Variants in RDH13 observed in about 807,000 individuals in gnomAD.
The protein encoded by RDH13 is retinol dehydrogenase 13 (all-trans and 9-cis).
Under a neutral mutation model 28.3 loss-of-function variants are expected in RDH13, and 35 were observed. The ratio of observed to expected loss-of-function variants is 1.24; its 90% CI spans 0.95 to 1.64. The LOEUF (loss-of-function observed/expected upper bound fraction) is 1.64, where lower values mean the gene tolerates loss of function less well. Among genes scored for constraint, RDH13 ranks in the 40% most tolerant of loss-of-function variants. The pLI is 0.00. For missense variants in RDH13, 514 were observed against 446.3 expected (o/e 1.15, Z -1.37); for synonymous variants, 229 against 198.5 (o/e 1.15, Z -1.29).
rs781438003 is a variant in RDH13 at position 55,048,337 on chromosome 19, C to G, written c.650G>C (p.Arg217Pro). The change falls in exon 5 of 7, where the codon CGG becomes CCG. Residue 217 changes from arginine (R) to proline (P), a missense_variant. Physicochemically the swap from Arg to Pro is moderately radical, Grantham distance 103. Coordinates refer to ENST00000415061, the MANE Select transcript of RDH13 (RefSeq NM_001145971.2). Reference protein sequence around the residue: ...IVLFTKELSRRLQGSGVTVNA... With the variant: ...IVLFTKELSRPLQGSGVTVNA... Reference sequence around the variant, plus strand: ...GCCTAGCGCCCCCGTACCTTGCAGCCGCCGGCTCAGCTCCTTGGTGAAGAG... The same window carrying G: ...GCCTAGCGCCCCCGTACCTTGCAGCGGCCGGCTCAGCTCCTTGGTGAAGAG... 6.2e-7 allele frequency: 1 copy of G among 1,614,080 alleles called. No individual in the cohort carries two copies. Among genetic ancestry groups the G allele is most frequent in the African/African-American group, 1.3e-5 (1 of 75,040 alleles).
chr19:55,056,256 G>A (rs1454722418), intron 3 of RDH13, among the ~76,000 whole-genome samples: 1 of 152,070 alleles, frequency 6.6e-6, no homozygotes, highest in Non-Finnish European at 1.5e-5. Context: ...CTGAGGTCAG[G>A]AGTTCCAGAC....
At position 55,056,736 on chromosome 19, in the gene RDH13, G is replaced by A. The variant is rs1317255855; in HGVS notation, c.257C>T (p.Thr86Ile). 6.2e-7 allele frequency: 1 copy of A among 1,613,968 alleles called. No individual in the cohort carries two copies. Among genetic ancestry groups the A allele is most frequent in the Non-Finnish European group, 8.5e-7 (1 of 1,179,990 alleles). ...EAAAKDIRGE[T>I]LNHHVNARHL... ...CCGGGCGTTGACATGGTGATTGAGG[G>A]TCTCCCCGCGGATGTCCTTTGCTGC... Residue 86 changes from threonine to isoleucine, a missense_variant, in exon 3 of 7, where the codon ACC becomes ATC. Transcript: ENST00000415061.
chr19:55,055,970 T>C lies in RDH13; in HGVS notation c.340+683A>G, dbSNP rs192311007. Reference sequence around the variant, plus strand: ...GAGTTCGAGACCAGCCTGACCAACATGGTGAAACCCTGTCTCTACCTAAAA... The same window carrying C: ...GAGTTCGAGACCAGCCTGACCAACACGGTGAAACCCTGTCTCTACCTAAAA... On this transcript the variant is annotated intron_variant, in intron 3 of 6. Transcript: ENST00000415061. 3.7e-4 allele frequency among the ~76,000 whole-genome samples: 56 copies of C among 151,902 alleles called. 1 individual carries two copies. The highest frequency in any genetic ancestry group is 1.2e-3 in the African/African-American group (51 of 41,382).
chr19:55,045,029 C>T lies in RDH13; in HGVS notation c.*45G>A, dbSNP rs541081768. The stretch of plus-strand genomic sequence containing the variant: ...GCTGCGGGCATGGCGGACAGCTGTC[C>T]TCGGTCTGGAGGCGCCATCCTGGCT... On this transcript the variant is annotated 3_prime_UTR_variant, in exon 7 of 7. Coordinates refer to ENST00000415061, the MANE Select transcript of RDH13 (RefSeq NM_001145971.2). 1 of 1,424,856 alleles carries T rather than the reference C, an allele frequency of 7.0e-7. No individual in the cohort carries two copies. Among genetic ancestry groups the T allele is most frequent in the South Asian group, 1.3e-5 (1 of 76,436 alleles). The allele number at this position is 1,424,856 out of a possible 1,614,324, so 88.3% of individuals were successfully genotyped here.
At chr19:55,067,911 G>A (rs897464847), upstream of RDH13, among the ~76,000 whole-genome samples, 2 of 144,942 alleles carry the variant, frequency 1.4e-5, no homozygotes, top group African/African-American at 5.2e-5. Flanking sequence ...CCTCATCTGT[G>A]TCTTTTCTCT....
At chr19:55,043,520 T>C (rs1052014465), downstream of RDH13, among the ~76,000 whole-genome samples, 11 of 123,356 alleles carry the variant, frequency 8.9e-5, no homozygotes, top group East Asian at 3.1e-3. Flanking sequence ...CGTCTTTAAT[T>C]AGCCAGGTGT....
rs116313831 is a variant in RDH13 at position 55,068,992 on chromosome 19, T to C, written c.-266+330A>G. On this transcript the variant is annotated intron_variant, in intron 1 of 7. Coordinates refer to the RDH13 transcript ENST00000396247. Reference sequence around the variant, plus strand: ...GGGAGGGAAGAAAGGCAGGCCCTGATGTTCAGGGAGCTGAGAGTGAAGTCA... The same window carrying C: ...GGGAGGGAAGAAAGGCAGGCCCTGACGTTCAGGGAGCTGAGAGTGAAGTCA... Among the ~76,000 whole-genome samples, 142 of 91,756 alleles carry C rather than the reference T, an allele frequency of 1.5e-3. 3 individuals are homozygous for C. The highest frequency in any genetic ancestry group is 6.5e-3 in the African/African-American group (137 of 20,924). The allele number at this position is 91,756 out of a possible 152,430, so 60.2% of individuals were successfully genotyped here. A position where few individuals can be genotyped will look rare whatever the true frequency, so the allele number is the denominator to read the frequency against.
At chr19:55,067,028 C>G (rs776299416), upstream of RDH13, among the ~76,000 whole-genome samples, 1 of 152,156 alleles carries the variant, frequency 6.6e-6, no homozygotes, top group Non-Finnish European at 1.5e-5. Flanking sequence ...TTGTCTGAAG[C>G]CACTGAGTTT....
chr19:55,063,640 T>A (rs2075882394), upstream of RDH13: 1 of 151,850 alleles, frequency 6.6e-6, no homozygotes, highest in Non-Finnish European at 1.5e-5. Flanking sequence ...CCTGGACTCC[T>A]GGGTCCAAGG....
chr19:55,052,520 C>A (rs1199258231), intron 3 of RDH13, among the ~76,000 whole-genome samples: 2 of 146,754 alleles, frequency 1.4e-5, no homozygotes, highest in Non-Finnish European at 3.0e-5. Context: ...CCAGCCTGGG[C>A]AACAAGAGCA....
rs1654447 is a variant in RDH13, at chr19:55,059,206, A to G, written c.135T>C (p.Gly45=). ...TCTGCTTCCCGATGCCTGTGTTGGC[A>G]CCCGTCACGATGACCGTCTTCCCAG... ...TIPGKTVIVT[G]ANTGIGKQTA... The change falls in exon 2 of 7, where the codon GGT becomes GGC. Residue 45 remains glycine, a synonymous_variant. Transcript: ENST00000415061. The G allele has an allele frequency of 0.85, 1,360,596 of 1,603,214 alleles. 578,408 individuals are homozygous for G. The highest frequency in any genetic ancestry group is 0.98 in the East Asian group (43,556 of 44,462).
intron 3 of RDH13, among the ~76,000 whole-genome samples, chr19:55,049,931 C>T (rs2075372204): frequency 2.4e-5 from 1 of 42,292 alleles, no homozygotes; most frequent in African/African-American, 6.9e-5. Flanking sequence ...CTCCTCTCTC[C>T]CTCTTCCCTT....
upstream of RDH13, chr19:55,063,889 A>C (rs2075888845): frequency 6.5e-6 from 1 of 152,832 alleles, no homozygotes; most frequent in African/African-American, 2.4e-5. Flanking sequence ...ACCCCCACCA[A>C]ACCGGGATGC....
intron 2 of RDH13, 63 bp downstream of exon 2, chr19:55,059,094 A>G: frequency 9.1e-7 from 1 of 1,102,432 alleles, no homozygotes; most frequent in Non-Finnish European, 1.4e-6. Context: ...GACTGTGAAT[A>G]ATGCTGCAGT....
intron 6 of RDH13, among the ~76,000 whole-genome samples, chr19:55,046,057 G>A (rs1047416238): frequency 6.6e-6 from 1 of 151,424 alleles, no homozygotes; most frequent in East Asian, 2.0e-4. Flanking sequence ...AGACCAGCCT[G>A]GCCAACGTGT....
At chr19:55,065,485 C>G (rs926718051), upstream of RDH13, among the ~76,000 whole-genome samples, 6 of 151,588 alleles carry the variant, frequency 4.0e-5, no homozygotes, top group African/African-American at 1.4e-4. Context: ...TTTTCCCTGT[C>G]TTTTTCTCCT....
At chr19:55,061,786 G>A (rs1267873952) in intron 1 of RDH13, among the ~76,000 whole-genome samples, 2 of 129,018 alleles carry the variant, frequency 1.6e-5, no homozygotes, top group African/African-American at 2.7e-5. Context: ...GAGAGACCCT[G>A]TCTCCAAAAA....
At chr19:55,052,538 G>A (rs34965439) in intron 3 of RDH13, among the ~76,000 whole-genome samples, 34,594 of 136,786 alleles carry the variant, frequency 0.25, 4,713 homozygotes, top group Non-Finnish European at 0.32. Flanking sequence ...GCAAAACTCC[G>A]TCTTAAAAAA....
Position 55,062,782 on chromosome 19 carries a change from C to T in RDH13, c.65+186G>A, listed in dbSNP as rs1050608292. On this transcript the variant is annotated intron_variant, in intron 1 of 6. Transcript: ENST00000415061. The stretch of plus-strand genomic sequence containing the variant: ...CAAGGGCCCAGGCTCGCCCTTCCCT[C>T]CGAGTGACCTTGGGCCGGTGACCTG... Among the ~76,000 whole-genome samples, 4 of 152,264 alleles carry T rather than the reference C, an allele frequency of 2.6e-5. No individual in the cohort carries two copies. In the South Asian group the frequency reaches 8.3e-4, roughly 31 times the overall value.
Sources: gnomAD v4.1 joint callset for allele counts (sites outside exome capture counted in the v4.1 genomes callset) on GRCh38, gnomAD v4.1.1 for gene constraint, MANE v1.5 for transcripts, NCBI Gene and HGNC (gene_info 2026-07-23, HGNC 2026-07-21) for gene names.